Variants in GPR39 observed in about 807,000 individuals in gnomAD.
GPR39 encodes the protein G protein-coupled receptor 39.
Under a neutral mutation model 18.4 loss-of-function variants are expected in GPR39, and 23 were observed. The observed-to-expected ratio is 1.25, with a 90% CI of 0.90 to 1.77. The LOEUF (loss-of-function observed/expected upper bound fraction) is 1.77. GPR39 is among the 40% of genes most tolerant of loss of function. The pLI is 0.00. For missense variants in GPR39, 647 were observed against 602.4 expected, an observed-to-expected ratio of 1.07 and a Z score of -0.78; for synonymous variants, 280 against 257.9, an observed-to-expected ratio of 1.09 and a Z score of -0.82.
intron 1 of GPR39, among the ~76,000 whole-genome samples, chr2:132,633,685 GAT>G (rs1681693517): frequency 6.6e-6 from 1 of 152,026 alleles, no homozygotes; most frequent in Non-Finnish European, 1.5e-5. Context: ...GAGGTGATGA[GAT>G]AATGACGACA....
intron 1 of GPR39, among the ~76,000 whole-genome samples, chr2:132,631,089 G>C (rs2104869449): frequency 6.6e-6 from 1 of 152,242 alleles, no homozygotes; most frequent in East Asian, 1.9e-4. Flanking sequence ...AGGTACCCCA[G>C]GGAGAGGGAA....
At chr2:132,547,342 C>T (rs72983646) in intron 1 of GPR39, among the ~76,000 whole-genome samples, 7,297 of 152,178 alleles carry the variant, frequency 0.048, 250 homozygotes, top group South Asian at 0.087. Flanking sequence ...AGGAGCTTGG[C>T]GAGATCTCAG....
chr2:132,528,660 G>T, intron 1 of GPR39, among the ~76,000 whole-genome samples: 1 of 152,060 alleles, frequency 6.6e-6, no homozygotes, highest in East Asian at 1.9e-4. Flanking sequence ...ATTCCTTATA[G>T]GCTGTATTCC....
At chr2:132,532,387 T>A (rs1679656393) in intron 1 of GPR39, among the ~76,000 whole-genome samples, 1 of 152,122 alleles carries the variant, frequency 6.6e-6, no homozygotes, top group Non-Finnish European at 1.5e-5. Context: ...CAGGACCAGA[T>A]GGATTCACAG....
intron 1 of GPR39, among the ~76,000 whole-genome samples, chr2:132,509,962 G>A (rs1424285137): frequency 3.9e-5 from 6 of 152,128 alleles, no homozygotes; most frequent in Non-Finnish European, 8.8e-5. Context: ...CATTTGCCAT[G>A]GGTGCAGATG....
intron 1 of GPR39, among the ~76,000 whole-genome samples, chr2:132,615,565 G>A (rs950242317): frequency 6.6e-6 from 1 of 152,154 alleles, no homozygotes; most frequent in Non-Finnish European, 1.5e-5. Flanking sequence ...TGTAGGCAGG[G>A]CCAATTAACA....
At chr2:132,524,870 A>T (rs1679481852) in intron 1 of GPR39, among the ~76,000 whole-genome samples, 1 of 152,222 alleles carries the variant, frequency 6.6e-6, no homozygotes, top group Admixed American at 6.5e-5. Context: ...TGAAGTTATT[A>T]CAAGTACAGT....
At chr2:132,427,131 C>CATATATATATATATATAT (rs199931479) in intron 1 of GPR39, among the ~76,000 whole-genome samples, 1 of 80,772 alleles carries the variant, frequency 1.2e-5, no homozygotes, top group Non-Finnish European at 2.2e-5. Flanking sequence ...TATATAGGTA[C>CATATATATATATATATAT]ATATATATAT....
chr2:132,592,109 T>C (rs1680856268), intron 1 of GPR39, among the ~76,000 whole-genome samples: 1 of 152,150 alleles, frequency 6.6e-6, no homozygotes, highest in African/African-American at 2.4e-5. Context: ...AAGAGCAAAA[T>C]AGACAAAAAT....
intron 1 of GPR39, among the ~76,000 whole-genome samples, chr2:132,601,345 G>C (rs1573691523): frequency 6.6e-6 from 1 of 152,142 alleles, no homozygotes; most frequent in African/African-American, 2.4e-5. Context: ...AACATCAAGA[G>C]AATGAAGGAT....
chr2:132,628,923 C>T (rs562085387), intron 1 of GPR39, among the ~76,000 whole-genome samples: 1 of 152,280 alleles, frequency 6.6e-6, no homozygotes, highest in African/African-American at 2.4e-5. Flanking sequence ...TGGAACACAG[C>T]CCTTGCCTTC....
At chr2:132,597,135 G>T (rs2104837397) in intron 1 of GPR39, among the ~76,000 whole-genome samples, 1 of 152,270 alleles carries the variant, frequency 6.6e-6, no homozygotes, top group South Asian at 2.1e-4. Flanking sequence ...TACCCTAAAT[G>T]CAGAGAGACA....
At chr2:132,474,786 G>A (rs1277231351) in intron 1 of GPR39, among the ~76,000 whole-genome samples, 1 of 152,180 alleles carries the variant, frequency 6.6e-6, no homozygotes, top group Non-Finnish European at 1.5e-5. Context: ...TTAGATTAAG[G>A]ATCTCGGTTC....
At chr2:132,601,462 C>T (rs1681041363) in intron 1 of GPR39, among the ~76,000 whole-genome samples, 1 of 151,886 alleles carries the variant, frequency 6.6e-6, no homozygotes, top group African/African-American at 2.4e-5. Context: ...AGAAACATAC[C>T]TCAACATAAT....
rs1336358103 is a variant in GPR39 at position 132,423,058 on chromosome 2, G to A, written c.856+5160G>A. Among the ~76,000 whole-genome samples the A allele has an allele frequency of 2.6e-5, 4 of 152,118 alleles. 1 individual carries two copies. The East Asian group carries it at 7.7e-4, about 29-fold the overall frequency. On this transcript the variant is annotated intron_variant, in intron 1 of 1. Coordinates refer to ENST00000329321, the MANE Select transcript of GPR39 (RefSeq NM_001508.3). ...TGGGAGTCAAGGAGCCCCTCTGGCT[G>A]TACAAGGCAAGGTCCGCTGGTCTAC...
intron 1 of GPR39, among the ~76,000 whole-genome samples, chr2:132,509,518 A>C (rs1679201125): frequency 6.6e-6 from 1 of 152,206 alleles, no homozygotes; most frequent in Admixed American, 6.6e-5. Flanking sequence ...CTATGAATAC[A>C]TTCAGACATA....
chr2:132,441,652 C>T lies in GPR39; in HGVS notation c.856+23754C>T, dbSNP rs141270105. 4.5e-3 allele frequency among the ~76,000 whole-genome samples: 678 copies of T among 152,230 alleles called. 7 individuals are homozygous for T. The highest frequency in any genetic ancestry group is 0.016 in the African/African-American group (657 of 41,548). ...TTTTTCTTCCCCTTCTCTATCACACCGAAGCTTCCATTTCTTCCATTTAGC... is the reference window on the plus strand; with the variant it reads ...TTTTTCTTCCCCTTCTCTATCACACTGAAGCTTCCATTTCTTCCATTTAGC... On this transcript the variant is annotated intron_variant, in intron 1 of 1. Coordinates refer to ENST00000329321, the MANE Select transcript of GPR39 (RefSeq NM_001508.3).
intron 1 of GPR39, among the ~76,000 whole-genome samples, chr2:132,585,694 A>AG (rs1193214275): frequency 1.4e-5 from 2 of 147,988 alleles, no homozygotes; most frequent in Non-Finnish European, 3.0e-5. Flanking sequence ...TGGACGGGCA[A>AG]GGGGGGCGCA....
intron 1 of GPR39, among the ~76,000 whole-genome samples, chr2:132,596,741 C>A (rs1282725490): frequency 6.6e-6 from 1 of 152,202 alleles, no homozygotes; most frequent in Non-Finnish European, 1.5e-5. Flanking sequence ...CATTATATCA[C>A]CCGAGAAGTT....
Sources: gnomAD v4.1 joint callset for allele counts (sites outside exome capture counted in the v4.1 genomes callset) on GRCh38, gnomAD v4.1.1 for gene constraint, MANE v1.5 for transcripts, NCBI Gene and HGNC (gene_info 2026-07-23, HGNC 2026-07-21) for gene names.